SETD3: variants seen among roughly 807,000 people sequenced by gnomAD.
SETD3 encodes actin-histidine N-methyltransferase.
In SETD3, 19 loss-of-function variants were observed where a neutral mutation model predicts 63.0. That is an observed-to-expected ratio of 0.30 (90% CI 0.21 to 0.44). SETD3 has a LOEUF of 0.44. SETD3 is among the 20% of genes least tolerant of loss of function. The pLI, the probability that SETD3 is intolerant of heterozygous loss-of-function variation, is 1.00. For missense variants in SETD3, 587 were observed against 728.5 expected, an observed-to-expected ratio of 0.81 and a Z score of 2.24; for synonymous variants, 286 against 264.1, an observed-to-expected ratio of 1.08 and a Z score of -0.80.
intron 1 of SETD3, among the ~76,000 whole-genome samples, chr14:99,467,614 G>A (rs141661568): frequency 0.023 from 3,469 of 152,346 alleles, 71 homozygotes; most frequent in Admixed American, 0.036. Context: ...TGGCTTGGCA[G>A]GAGGAGACGC....
chr14:99,444,311 C>T (rs1261214835), intron 6 of SETD3: 2 of 152,178 alleles, frequency 1.3e-5, no homozygotes, highest in African/African-American at 2.4e-5. Context: ...TTTCCATGCT[C>T]GCTTAGGCAG....
intron 6 of SETD3, among the ~76,000 whole-genome samples, chr14:99,436,697 T>C (rs531895201): frequency 1.6e-4 from 25 of 152,304 alleles, no homozygotes; most frequent in Admixed American, 5.2e-4. Context: ...AGGAAGGAAG[T>C]ACCTACCCAC....
At chr14:99,424,095 G>C (rs561821506) in intron 6 of SETD3, among the ~76,000 whole-genome samples, 1 of 152,172 alleles carries the variant, frequency 6.6e-6, no homozygotes, top group African/African-American at 2.4e-5. Context: ...GCACTACCTA[G>C]AAAACAGGTA....
In SETD3 at chr14:99,477,723, C is replaced by T. The variant is rs190661100; in HGVS notation, c.-9+3005G>A. ...AGATCACGACATTGCACTCCAGCCT[C>T]GGCAACAAGAGCGAAACTCCATCTC... is the stretch of plus-strand genomic sequence containing the variant. On this transcript the variant is annotated intron_variant, in intron 1 of 12. Transcript: ENST00000331768. Among the ~76,000 whole-genome samples, 157 of 129,358 alleles carry T rather than the reference C, an allele frequency of 1.2e-3. 1 individual carries two copies. The East Asian group carries it at 0.02, about 16-fold the overall frequency. 84.9% of individuals were successfully genotyped at this position (129,358 alleles called of 152,430 possible). A position where few individuals can be genotyped will look rare whatever the true frequency, so the allele number is the denominator to read the frequency against.
In SETD3 at chr14:99,398,070, T is replaced by C. The variant is rs1891185913; in HGVS notation, c.*609A>G. 1 of 152,584 alleles carries C rather than the reference T, an allele frequency of 6.6e-6. No individual in the cohort carries two copies. Among genetic ancestry groups the C allele is most frequent in the Non-Finnish European group, 1.5e-5 (1 of 68,072 alleles). 9.5% of individuals were successfully genotyped at this position (152,584 alleles called of 1,614,324 possible). A position where few individuals can be genotyped will look rare whatever the true frequency, so the allele number is the denominator to read the frequency against. Reference sequence around the variant, plus strand: ...TTAGAAATCACTATATATATGTGTGTTTATATATATATTTTTATATAATTA... The same window carrying C: ...TTAGAAATCACTATATATATGTGTGCTTATATATATATTTTTATATAATTA... On this transcript the variant is annotated 3_prime_UTR_variant, in exon 13 of 13. Coordinates refer to ENST00000331768, the MANE Select transcript of SETD3 (RefSeq NM_032233.3).
intron 1 of SETD3, among the ~76,000 whole-genome samples, chr14:99,472,795 T>C (rs1303198954): frequency 6.6e-6 from 1 of 152,180 alleles, no homozygotes; most frequent in Admixed American, 6.5e-5. Context: ...TACAAATACT[T>C]ACTGAATTAT....
chr14:99,486,210 A>G, the SETD3 span, among the ~76,000 whole-genome samples: 1 of 152,124 alleles, frequency 6.6e-6, no homozygotes, highest in African/African-American at 2.4e-5. Context: ...CTGACATCCC[A>G]TGGTTTGTTT....
intron 8 of SETD3, among the ~76,000 whole-genome samples, chr14:99,407,513 G>C (rs1051143824): frequency 6.6e-6 from 1 of 152,090 alleles, no homozygotes; most frequent in African/African-American, 2.4e-5. Flanking sequence ...GTTGCTAATT[G>C]TACGATGTCA....
At chr14:99,446,950 A>C (rs2139738957) in intron 6 of SETD3, among the ~76,000 whole-genome samples, 1 of 147,260 alleles carries the variant, frequency 6.8e-6, no homozygotes, top group East Asian at 2.0e-4. Flanking sequence ...CAGAGCCCCA[A>C]GGACAAAGAA....
intron 1 of SETD3, 45 bp downstream of exon 1, chr14:99,480,683 T>C (rs1407300672): frequency 1.3e-5 from 2 of 150,042 alleles, no homozygotes; most frequent in East Asian, 4.0e-4. Flanking sequence ...GGCGCGAGTT[T>C]CCCCCGCGGG....
intron 6 of SETD3, among the ~76,000 whole-genome samples, chr14:99,434,543 T>C (rs1595196777): frequency 6.6e-6 from 1 of 152,292 alleles, no homozygotes; most frequent in East Asian, 1.9e-4. Flanking sequence ...TTGGTTGTGC[T>C]ACTTGAGTAC....
At chr14:99,472,015 C>T (rs1214960336) in intron 1 of SETD3, among the ~76,000 whole-genome samples, 1 of 152,208 alleles carries the variant, frequency 6.6e-6, no homozygotes, top group African/African-American at 2.4e-5. Flanking sequence ...CCCATAGCTT[C>T]AAACCTGAAA....
At chr14:99,410,949 C>CA (rs1297383543) in intron 8 of SETD3, among the ~76,000 whole-genome samples, 6 of 152,172 alleles carry the variant, frequency 3.9e-5, no homozygotes, top group South Asian at 4.1e-4. Flanking sequence ...TAGACACACA[C>CA]AAAAAAGAAA....
intron 6 of SETD3, among the ~76,000 whole-genome samples, chr14:99,434,947 T>G (rs1024290688): frequency 2.0e-5 from 3 of 151,420 alleles, no homozygotes; most frequent in Non-Finnish European, 4.4e-5. Flanking sequence ...AATTAAAAGT[T>G]GACAGAAAAC....
intron 6 of SETD3, among the ~76,000 whole-genome samples, chr14:99,420,980 G>GGGGGGA (rs1566694441): frequency 2.5e-5 from 1 of 40,110 alleles, no homozygotes. Flanking sequence ...GGGGGGGTGG[G>GGGGGGA]AGGTGCAGAC....
chr14:99,429,950 TAAG>T (rs1893081518), intron 6 of SETD3, among the ~76,000 whole-genome samples: 1 of 152,172 alleles, frequency 6.6e-6, no homozygotes, highest in Admixed American at 6.5e-5. Context: ...GAGGAAATGG[TAAG>T]ATATTCTGGA....
rs755765992 is a variant in SETD3, at chr14:99,459,063, A to G, written c.418+50T>C. ...TTAGTGCCATAAAATGGAATTTTAC[A>G]TATTTTTGTCATTTGTGCTTTGCCT... On this transcript the variant is annotated intron_variant, in intron 5 of 12. Transcript: ENST00000331768. 10 of 1,391,812 alleles carry G rather than the reference A, an allele frequency of 7.2e-6. No individual in the cohort carries two copies. In the East Asian group the frequency reaches 1.2e-4, roughly 17 times the overall value. 86.2% of individuals were successfully genotyped at this position (1,391,812 alleles called of 1,614,324 possible). A position where few individuals can be genotyped will look rare whatever the true frequency, so the allele number is the denominator to read the frequency against.
chr14:99,410,267 T>C (rs781721888), intron 8 of SETD3: 2 of 1,612,322 alleles, frequency 1.2e-6, no homozygotes, highest in African/African-American at 1.3e-5. Context: ...GCACGGAGGG[T>C]GTGGGGGGAC....
intron 6 of SETD3, among the ~76,000 whole-genome samples, chr14:99,434,119 G>A (rs1244807899): frequency 1.3e-5 from 2 of 152,210 alleles, no homozygotes; most frequent in African/African-American, 4.8e-5. Flanking sequence ...ACTTCTAGCA[G>A]CTTCACTTGT....
Sources: allele counts gnomAD v4.1 joint callset (sites outside exome capture counted in the v4.1 genomes callset), GRCh38; gene constraint gnomAD v4.1.1; transcripts MANE v1.5; gene names NCBI Gene and HGNC (gene_info 2026-07-23, HGNC 2026-07-21).